IGDCC4: variants seen among roughly 807,000 people sequenced by gnomAD.
IGDCC4 encodes the protein likely ortholog of mouse neighbor of Punc E11.
In IGDCC4, 72 loss-of-function variants were observed where a neutral mutation model predicts 116.6. The observed-to-expected ratio is 0.62, with a 90% CI of 0.51 to 0.75. IGDCC4 has a LOEUF of 0.75. Among genes scored for constraint, IGDCC4 ranks in the 30% least tolerant of loss-of-function variants. The pLI, the probability that IGDCC4 is intolerant of heterozygous loss-of-function variation, is 0.00. For synonymous variants in IGDCC4, 709 were observed against 719.9 expected, an observed-to-expected ratio of 0.98 and a Z score of 0.24; for missense variants, 1,501 against 1,662.4, an observed-to-expected ratio of 0.90 and a Z score of 1.69.
intron 16 of IGDCC4, among the ~76,000 whole-genome samples, chr15:65,388,171 G>C (rs561206871): frequency 6.6e-6 from 1 of 151,928 alleles, no homozygotes; most frequent in African/African-American, 2.4e-5. Context: ...TTGAACCTGG[G>C]AGGCGGAGGT....
rs75659868 is a variant in IGDCC4, at chr15:65,394,971, C to T, written c.1576+123G>A. 1,699 of 1,085,784 alleles carry T rather than the reference C, an allele frequency of 1.6e-3. 10 individuals are homozygous for T. In the African/African-American group the frequency reaches 0.018, roughly 12 times the overall value. The allele number at this position is 1,085,784 out of a possible 1,614,324, so 67.3% of individuals were successfully genotyped here. On this transcript the variant is annotated intron_variant, in intron 8 of 19. Transcript: ENST00000352385. Reference sequence around the variant, plus strand: ...GAGAAGAACCCCGCCCACTCTCTTACGGGGCACAAAAGATGATATGAGCAG... The same window carrying T: ...GAGAAGAACCCCGCCCACTCTCTTATGGGGCACAAAAGATGATATGAGCAG...
chr15:65,411,518 T>C (rs1486726868), intron 1 of IGDCC4, 148 bp from the exon 2 acceptor site: 1 of 623,488 alleles, frequency 1.6e-6, no homozygotes, highest in Non-Finnish European at 2.7e-6. Context: ...AACTGTGACC[T>C]TGGACAAACT....
intron 9 of IGDCC4, among the ~76,000 whole-genome samples, 154 bp downstream of exon 9, chr15:65,394,257 C>T (rs544920202): frequency 1.3e-5 from 2 of 152,136 alleles, no homozygotes; most frequent in African/African-American, 2.4e-5. Context: ...TTCATTCCTG[C>T]CCAGACCCCT....
Position 65,396,968 on chromosome 15 carries a change from T to G in IGDCC4, c.863A>C (p.Asp288Ala). ...VRQDGKPIST[D>A]VIVLGRTNLL... The stretch of plus-strand genomic sequence containing the variant: ...GTTGGTGCGGCCCAGGACGATGACA[T>G]CTGTGGAGATGGGCTTCCCGTCTGG... The change falls in exon 6 of 20, where the codon GAT becomes GCT. Residue 288 changes from aspartate (D) to alanine (A), a missense_variant. Asp to Ala is a moderately radical substitution (Grantham distance 126, BLOSUM62 -2). Around this residue, in one of 3 missense-constraint regions of IGDCC4, gnomAD observed 898 missense variants for 978.9 expected, o/e 0.92. Transcript: ENST00000352385. 3 of 1,581,010 alleles carry G rather than the reference T, an allele frequency of 1.9e-6. No homozygotes were observed. The highest frequency in any genetic ancestry group is 2.6e-6 in the Non-Finnish European group (3 of 1,163,198).
rs201491427 is a variant in IGDCC4 at position 65,389,219 on chromosome 15, G to C, written c.2536+65C>G. ...CTTGGGGTTCTGAAGTATGTTTCTTGCTGCTGGGGCAAGAAGGAGTTGGGC... is the reference window on the plus strand; with the variant it reads ...CTTGGGGTTCTGAAGTATGTTTCTTCCTGCTGGGGCAAGAAGGAGTTGGGC... On this transcript the variant is annotated intron_variant, in intron 14 of 19. Transcript: ENST00000352385. 3,937 of 1,586,984 alleles carry C rather than the reference G, an allele frequency of 2.5e-3. 15 individuals carry two copies. Among genetic ancestry groups the C allele is most frequent in the Middle Eastern group, 5.9e-3 (28 of 4,706 alleles).
intron 12 of IGDCC4, among the ~76,000 whole-genome samples, chr15:65,391,044 C>T: frequency 6.6e-6 from 1 of 152,076 alleles, no homozygotes; most frequent in East Asian, 1.9e-4. Context: ...GCCAGCCTGG[C>T]CAACATGGTG....
At chr15:65,403,336 C>T (rs2063008052) in intron 3 of IGDCC4, among the ~76,000 whole-genome samples, 1 of 152,072 alleles carries the variant, frequency 6.6e-6, no homozygotes, top group Admixed American at 6.5e-5. Context: ...CGTATACATT[C>T]AATGTTCCTG....
At chr15:65,411,476 A>G (rs563514107) in intron 1 of IGDCC4, 106 bp from the exon 2 acceptor site, 1 of 892,824 alleles carries the variant, frequency 1.1e-6, no homozygotes, top group African/African-American at 1.7e-5. Context: ...AAGGAGAAAC[A>G]CCTGCATCTG....
At chr15:65,420,386 C>CTCT (rs1328132803) in intron 1 of IGDCC4, among the ~76,000 whole-genome samples, 3 of 152,226 alleles carry the variant, frequency 2.0e-5, no homozygotes, top group Non-Finnish European at 4.4e-5. Context: ...CCACCATCCT[C>CTCT]TCTTCTGGAT....
At chr15:65,404,008 G>A (rs1409162224) in intron 3 of IGDCC4, among the ~76,000 whole-genome samples, 1 of 152,108 alleles carries the variant, frequency 6.6e-6, no homozygotes, top group Non-Finnish European at 1.5e-5. Context: ...AATGGTGCTG[G>A]CCTCTGGGAT....
chr15:65,396,711 C>G, intron 6 of IGDCC4, 123 bp downstream of exon 6: 1 of 1,259,334 alleles, frequency 7.9e-7, no homozygotes, highest in Non-Finnish European at 1.1e-6. Flanking sequence ...AGGGACTCCT[C>G]CCTGAGTTCG....
Position 65,389,148 on chromosome 15 carries a change from A to C in IGDCC4, c.2536+136T>G. Reference sequence around the variant, plus strand: ...GTATGTGTGGTTGGAGGGACTTAACATTCCTCCCCTCCCAGAAACTCTTCT... The same window carrying C: ...GTATGTGTGGTTGGAGGGACTTAACCTTCCTCCCCTCCCAGAAACTCTTCT... On this transcript the variant is annotated intron_variant, in intron 14 of 19. Transcript: ENST00000352385. The C allele has an allele frequency of 4.7e-6, 6 of 1,280,806 alleles. No homozygotes were observed. In the South Asian group the frequency reaches 9.0e-5, roughly 19 times the overall value. 79.3% of individuals were successfully genotyped at this position (1,280,806 alleles called of 1,614,324 possible). A position where few individuals can be genotyped will look rare whatever the true frequency, so the allele number is the denominator to read the frequency against.
intron 1 of IGDCC4, among the ~76,000 whole-genome samples, chr15:65,413,519 C>G (rs1414526196): frequency 6.6e-6 from 1 of 152,206 alleles, no homozygotes; most frequent in Admixed American, 6.5e-5. Context: ...CAAAAACACA[C>G]AAAAGCCAAT....
At position 65,390,178 on chromosome 15, in the gene IGDCC4, G is replaced by A. The variant is rs1359107395; in HGVS notation, c.2385C>T (p.Ala795=). 1 of 1,595,406 alleles carries A rather than the reference G, an allele frequency of 6.3e-7. No individual in the cohort carries two copies. The highest frequency in any genetic ancestry group is 1.3e-5 in the African/African-American group (1 of 74,790). Residue 795 remains alanine (A), a synonymous_variant, in exon 13 of 20, where the codon GCC becomes GCT. Transcript: ENST00000352385. ...VRFSPWGLRN[A]SLVTYYTSSG... is the part of the protein sequence containing the mutation. ...ACCTGGTGTAATAGGTGACCAGGGA[G>A]GCATTCCTGAGCCCCCAGGGGCTGA...
intron 18 of IGDCC4, 38 bp downstream of exon 18, chr15:65,385,793 T>C (rs766401902): frequency 6.6e-7 from 1 of 1,521,400 alleles, no homozygotes; most frequent in Non-Finnish European, 9.1e-7. Flanking sequence ...CCTGGTGTCC[T>C]ATTTAGAAAA....
chr15:65,390,191 C>G lies in IGDCC4; in HGVS notation c.2372G>C (p.Gly791Ala). Residue 791 changes from glycine (G) to alanine (A), a missense_variant, in exon 13 of 20, where the codon GGG becomes GCG. Physicochemically the swap from Gly to Ala is moderately conservative, Grantham distance 60. Coordinates refer to ENST00000352385, the MANE Select transcript of IGDCC4 (RefSeq NM_020962.3). ...VNYTVRFSPWGLRNASLVTYY... is the reference protein window; with the variant it reads ...VNYTVRFSPWALRNASLVTYY... ...GGTGACCAGGGAGGCATTCCTGAGC[C>G]CCCAGGGGCTGAAGCGCACAGTGTA... The G allele has an allele frequency of 3.1e-6, 5 of 1,602,020 alleles. No homozygotes were observed. Among genetic ancestry groups the G allele is most frequent in the Non-Finnish European group, 4.3e-6 (5 of 1,170,558 alleles).
intron 13 of IGDCC4, among the ~76,000 whole-genome samples, 182 bp downstream of exon 13, chr15:65,389,973 G>A (rs1213323544): frequency 6.6e-6 from 1 of 152,152 alleles, no homozygotes; most frequent in Non-Finnish European, 1.5e-5. Context: ...CTACCATCTG[G>A]TCAGCAGGCA....
chr15:65,402,616 C>T (rs887373583), intron 3 of IGDCC4, 129 bp from the exon 4 acceptor site: 1 of 1,251,628 alleles, frequency 8.0e-7, no homozygotes, highest in Non-Finnish European at 1.1e-6. Context: ...CGCCTATAAT[C>T]CCAGCACTTT....
intron 3 of IGDCC4, among the ~76,000 whole-genome samples, chr15:65,403,102 C>T (rs1035232594): frequency 2.6e-5 from 4 of 152,154 alleles, no homozygotes; most frequent in Admixed American, 1.3e-4. Flanking sequence ...ATGTGTTAAA[C>T]GATATTCACT....
Sources: gnomAD v4.1 joint callset for allele counts (sites outside exome capture counted in the v4.1 genomes callset) on GRCh38, gnomAD v4.1.1 for gene constraint, gnomAD v4.1.1 regional missense constraint, MANE v1.5 for transcripts, NCBI Gene and HGNC (gene_info 2026-07-23, HGNC 2026-07-21) for gene names.